The following TTC27 variants were observed in gnomAD, a reference collection of about 807,000 sequenced individuals.
TTC27 encodes the protein tetratricopeptide repeat domain 27, also known as tetratricopeptide repeat protein 27.
TTC27 carries 79 observed loss-of-function variants against 115.9 expected under a neutral mutation model. The ratio of observed to expected loss-of-function variants is 0.68; its 90% CI spans 0.57 to 0.82. The LOEUF is 0.82. TTC27 is among the 40% of genes least tolerant of loss of function. The probability of loss-of-function intolerance (pLI) is 0.00; values close to 1 mark genes in which losing one functional copy is unlikely to be tolerated. For synonymous variants in TTC27, 401 were observed against 356.0 expected (o/e 1.13, Z -1.42); for missense variants, 1,054 against 993.1 (o/e 1.06, Z -0.82).
intron 10 of TTC27, among the ~76,000 whole-genome samples, chr2:32,723,041 G>A (rs1023685849): frequency 6.6e-6 from 1 of 152,070 alleles, no homozygotes; most frequent in Admixed American, 6.5e-5. Context: ...ACCTTTACTA[G>A]TGATACTAAA....
At chr2:32,754,044 G>A (rs929452205) in intron 12 of TTC27, among the ~76,000 whole-genome samples, 8 of 151,806 alleles carry the variant, frequency 5.3e-5, no homozygotes, top group African/African-American at 1.9e-4. Flanking sequence ...CTGCACTCCA[G>A]CCTGGGCGAC....
chr2:32,777,540 A>AC (rs1305091814), intron 13 of TTC27, among the ~76,000 whole-genome samples: 1 of 152,188 alleles, frequency 6.6e-6, no homozygotes, highest in Non-Finnish European at 1.5e-5. Context: ...TAGAGATGCA[A>AC]CCATCCAGTT....
intron 10 of TTC27, among the ~76,000 whole-genome samples, chr2:32,715,122 G>A (rs1187261829): frequency 6.6e-6 from 1 of 152,050 alleles, no homozygotes; most frequent in African/African-American, 2.4e-5. Flanking sequence ...ATTGCTTTTG[G>A]CATCTTCATC....
At chr2:32,708,160 A>G (rs905418188) in intron 10 of TTC27, among the ~76,000 whole-genome samples, 12 of 152,000 alleles carry the variant, frequency 7.9e-5, no homozygotes, top group African/African-American at 2.9e-4. Context: ...AGCAAGACCA[A>G]TTCCTCCTTT....
At chr2:32,667,195 A>G (rs1425756597) in intron 7 of TTC27, among the ~76,000 whole-genome samples, 1 of 151,950 alleles carries the variant, frequency 6.6e-6, no homozygotes, top group Admixed American at 6.6e-5. Flanking sequence ...CATTATCAGA[A>G]TTCCTTTTCA....
intron 18 of TTC27, among the ~76,000 whole-genome samples, chr2:32,815,895 C>T (rs1408070017): frequency 6.6e-6 from 1 of 152,194 alleles, no homozygotes; most frequent in African/African-American, 2.4e-5. Context: ...TATTATTCCT[C>T]ATTATTACTC....
chr2:32,725,057 C>G (rs1173663479), intron 10 of TTC27, among the ~76,000 whole-genome samples: 3 of 152,156 alleles, frequency 2.0e-5, no homozygotes, highest in African/African-American at 7.2e-5. Flanking sequence ...ACGAGAACAG[C>G]ACGGGAAAGA....
intron 4 of TTC27, among the ~76,000 whole-genome samples, chr2:32,646,968 G>A (rs1218136763): frequency 2.0e-5 from 3 of 147,856 alleles, no homozygotes; most frequent in Non-Finnish European, 4.5e-5. Context: ...GTTTTTTTTT[G>A]TTTGTTTTTT....
At chr2:32,700,289 C>T (rs1468375463) in intron 9 of TTC27, among the ~76,000 whole-genome samples, 1 of 152,030 alleles carries the variant, frequency 6.6e-6, no homozygotes, top group East Asian at 1.9e-4. Flanking sequence ...AGTGAGACAC[C>T]CAGGGAGGTC....
At position 32,664,387 on chromosome 2, in the gene TTC27, T is replaced by C; in HGVS notation, c.725T>C (p.Leu242Ser). 1 of 1,612,730 alleles carries C rather than the reference T, an allele frequency of 6.2e-7. No homozygotes were observed. The highest frequency in any genetic ancestry group is 8.5e-7 in the Non-Finnish European group (1 of 1,179,470). The stretch of plus-strand genomic sequence containing the variant: ...CATCTGGAATGTGCATATGTGTTTT[T>C]ATATTATTATGAGTACAGAAAAGCA... ...QFHLECAYVF[L>S]YYYEYRKAKD... The change falls in exon 6 of 20, where the codon TTA becomes TCA. Residue 242 changes from leucine to serine, a missense_variant. By Grantham distance (145) the Leu-to-Ser change is moderately radical (BLOSUM62 -2). Transcript: ENST00000317907.
rs1196222511 is a variant in TTC27 at position 32,641,752 on chromosome 2, C to T, written c.537+1342C>T. On this transcript the variant is annotated intron_variant, in intron 4 of 19. Coordinates refer to ENST00000317907, the MANE Select transcript of TTC27 (RefSeq NM_017735.5). ...GGAGTGCAATGGCGCGATCTCGGCT[C>T]ACCACAACCTCCACCTCCTGGGTTC... Among the ~76,000 whole-genome samples, 4 of 152,290 alleles carry T rather than the reference C, an allele frequency of 2.6e-5. No homozygotes were observed. In the East Asian group the frequency reaches 7.7e-4, roughly 29 times the overall value.
intron 14 of TTC27, among the ~76,000 whole-genome samples, chr2:32,782,203 C>G (rs916907383): frequency 2.0e-5 from 3 of 152,174 alleles, no homozygotes; most frequent in Admixed American, 6.5e-5. Flanking sequence ...AGTAGTAACA[C>G]TGGAGAACAG....
chr2:32,716,566 C>G (rs1268723088), intron 10 of TTC27, among the ~76,000 whole-genome samples: 1 of 152,182 alleles, frequency 6.6e-6, no homozygotes, highest in African/African-American at 2.4e-5. Context: ...TGATTCCACA[C>G]TATGACTAAG....
At chr2:32,632,345 T>A (rs1664252489) in intron 2 of TTC27, among the ~76,000 whole-genome samples, 2 of 152,096 alleles carry the variant, frequency 1.3e-5, no homozygotes, top group Non-Finnish European at 2.9e-5. Flanking sequence ...TGCACTCTCA[T>A]AGCAACTAGC....
intron 12 of TTC27, 80 bp from the exon 13 acceptor site, chr2:32,758,212 G>C: frequency 7.8e-7 from 1 of 1,284,238 alleles, no homozygotes; most frequent in Non-Finnish European, 1.1e-6. Flanking sequence ...GATTGTGTGA[G>C]ATTAAAGATG....
intron 6 of TTC27, 87 bp from the exon 7 acceptor site, chr2:32,666,548 C>G: frequency 1.4e-6 from 2 of 1,412,826 alleles, no homozygotes; most frequent in South Asian, 1.6e-5. Flanking sequence ...CTTGTAAACT[C>G]TAAAGCACTC....
chr2:32,810,977 T>C (rs1671296868), intron 16 of TTC27, 47 bp from the exon 17 acceptor site: 1 of 1,588,776 alleles, frequency 6.3e-7, no homozygotes, highest in South Asian at 1.1e-5. Flanking sequence ...GTTTTTGTTA[T>C]TGTTTGTTGG....
chr2:32,650,349 GTTTCT>G, intron 5 of TTC27, 116 bp downstream of exon 5: 4 of 240,928 alleles, frequency 1.7e-5, no homozygotes, highest in Admixed American at 7.5e-5. Flanking sequence ...GTTTTGAGTT[GTTTCT>G]TTTTTTTTTT....
chr2:32,722,261 T>A (rs1667958021), intron 10 of TTC27, among the ~76,000 whole-genome samples: 1 of 152,200 alleles, frequency 6.6e-6, no homozygotes, highest in Non-Finnish European at 1.5e-5. Flanking sequence ...GTGTCTTTCA[T>A]TCTAGCTCTG....
Sources: gnomAD v4.1 joint callset for allele counts (sites outside exome capture counted in the v4.1 genomes callset) on GRCh38, gnomAD v4.1.1 for gene constraint, MANE v1.5 for transcripts, NCBI Gene and HGNC (gene_info 2026-07-23, HGNC 2026-07-21) for gene names.